GCLC: variants seen among roughly 807,000 people sequenced by gnomAD.
The protein encoded by GCLC is glutamate-cysteine ligase catalytic subunit.
A neutral mutation model predicts 81.5 loss-of-function variants in GCLC; 30 were observed. That is an observed-to-expected ratio of 0.37 (90% CI 0.28 to 0.50). The LOEUF (loss-of-function observed/expected upper bound fraction) is 0.50. GCLC is among the 20% of genes least tolerant of loss of function. The pLI, the probability that GCLC is intolerant of heterozygous loss-of-function variation, is 0.96. For missense variants in GCLC, 556 were observed against 777.4 expected (o/e 0.72, Z 3.39); for synonymous variants, 262 against 273.3 (o/e 0.96, Z 0.41).
intron 1 of GCLC, among the ~76,000 whole-genome samples, chr6:53,540,834 C>G (rs968383779): frequency 6.6e-6 from 1 of 152,128 alleles, no homozygotes; most frequent in Admixed American, 6.5e-5. Context: ...GGAATGGTTA[C>G]AGGCATCAGC....
chr6:53,509,452 C>A lies in GCLC; in HGVS notation c.754-202G>T. ...AATGGTATTTAATTATGTTCCACTG[C>A]CTATAGACAACTAATATAAATAACC... On this transcript the variant is annotated intron_variant, in intron 6 of 15. Coordinates refer to ENST00000650454, the MANE Select transcript of GCLC (RefSeq NM_001498.4). 4.9e-6 allele frequency: 3 copies of A among 610,572 alleles called. No homozygotes were observed. In the South Asian group the frequency reaches 5.8e-5, roughly 12 times the overall value. The allele number at this position is 610,572 out of a possible 1,614,324, so 37.8% of individuals were successfully genotyped here. A position where few individuals can be genotyped will look rare whatever the true frequency, so the allele number is the denominator to read the frequency against.
At chr6:53,541,149 G>A (rs1259852426) in intron 1 of GCLC, among the ~76,000 whole-genome samples, 7 of 152,176 alleles carry the variant, frequency 4.6e-5, no homozygotes, top group African/African-American at 1.4e-4. Flanking sequence ...TCTGGGAGGC[G>A]GAGGTTGCGG....
At chr6:53,542,890 TC>T (rs1258040939) in intron 1 of GCLC, among the ~76,000 whole-genome samples, 1 of 152,000 alleles carries the variant, frequency 6.6e-6, no homozygotes, top group Non-Finnish European at 1.5e-5. Flanking sequence ...GCACCTGTAA[TC>T]CCAGCTACTC....
chr6:53,520,310 A>T (rs1037430493), intron 3 of GCLC, among the ~76,000 whole-genome samples: 1 of 152,240 alleles, frequency 6.6e-6, no homozygotes, highest in Non-Finnish European at 1.5e-5. Flanking sequence ...CTTTGGGAGC[A>T]CTGCAGATCC....
At chr6:53,507,278 A>C (rs1444360734) in intron 9 of GCLC, among the ~76,000 whole-genome samples, 2 of 152,226 alleles carry the variant, frequency 1.3e-5, no homozygotes, top group East Asian at 3.8e-4. Context: ...AGACCTCCAA[A>C]GTAAGCTCCT....
chr6:53,518,268 T>A (rs1333057429), intron 3 of GCLC, among the ~76,000 whole-genome samples: 1 of 152,148 alleles, frequency 6.6e-6, no homozygotes, highest in East Asian at 1.9e-4. Flanking sequence ...TTATTTATTT[T>A]GAGACGGAGG....
At chr6:53,543,973 G>T (rs1323755637) in intron 1 of GCLC, among the ~76,000 whole-genome samples, 1 of 152,208 alleles carries the variant, frequency 6.6e-6, no homozygotes, top group East Asian at 1.9e-4. Context: ...TGAAGTGTGT[G>T]TGTTTTGGAG....
chr6:53,506,698 G>A lies in GCLC; in HGVS notation c.1197+215C>T, dbSNP rs559188011. ...ATCAGTGAGATAAACAGTAAGAATCGTAAAATAAGAGTACTTGAAACCGAT... is the reference window on the plus strand; with the variant it reads ...ATCAGTGAGATAAACAGTAAGAATCATAAAATAAGAGTACTTGAAACCGAT... On this transcript the variant is annotated intron_variant, in intron 10 of 15. Coordinates refer to ENST00000650454, the MANE Select transcript of GCLC (RefSeq NM_001498.4). The surrounding 1 kb of genome is among the most constrained non-coding windows in gnomAD (Gnocchi z 4.0). 15 of 528,718 alleles carry A rather than the reference G, an allele frequency of 2.8e-5. No homozygotes were observed. The highest frequency in any genetic ancestry group is 5.2e-4 in the Middle Eastern group (1 of 1,938). The allele number at this position is 528,718 out of a possible 1,614,324, so 32.8% of individuals were successfully genotyped here. A position where few individuals can be genotyped will look rare whatever the true frequency, so the allele number is the denominator to read the frequency against.
At chr6:53,507,684 T>A in intron 8 of GCLC, 66 bp from the exon 9 acceptor site, 1 of 670,342 alleles carries the variant, frequency 1.5e-6, no homozygotes, top group Non-Finnish European at 2.4e-6. Context: ...TTTTTATATA[T>A]GATAATTATA....
intron 1 of GCLC, among the ~76,000 whole-genome samples, chr6:53,534,649 TGAA>T (rs1464231276): frequency 1.3e-5 from 2 of 151,830 alleles, no homozygotes; most frequent in Non-Finnish European, 2.9e-5. Flanking sequence ...GGCAGGAAGG[TGAA>T]GAAGAGCCCA....
intron 1 of GCLC, among the ~76,000 whole-genome samples, chr6:53,524,450 T>C (rs1395279123): frequency 2.6e-5 from 4 of 152,226 alleles, no homozygotes; most frequent in African/African-American, 4.8e-5. Flanking sequence ...TTTCATTTCA[T>C]GGAAGGGGTC....
intron 1 of GCLC, among the ~76,000 whole-genome samples, chr6:53,537,389 C>T (rs1763273766): frequency 6.6e-6 from 1 of 152,164 alleles, no homozygotes. Context: ...ACGCTATGAC[C>T]TATAGAAGGA....
chr6:53,505,587 C>A, intron 11 of GCLC, 91 bp from the exon 12 acceptor site: 1 of 794,176 alleles, frequency 1.3e-6, no homozygotes, highest in South Asian at 1.4e-5. Flanking sequence ...ATGTCATTCC[C>A]AAGCCATCTC....
Position 53,544,700 on chromosome 6 carries a change from C to G in GCLC, c.-55G>C. ...CCGGGCTGACGGCGGTCGCCCGCTC[C>G]GGGCGCGAGACGGACACTCAGCCGC... On this transcript the variant is annotated 5_prime_UTR_variant, in exon 1 of 16. Transcript: ENST00000650454. 1.3e-6 allele frequency: 2 copies of G among 1,525,514 alleles called. No individual in the cohort carries two copies. The highest frequency in any genetic ancestry group is 2.4e-5 in the South Asian group (2 of 84,556). 94.5% of individuals were successfully genotyped at this position (1,525,514 alleles called of 1,614,324 possible).
In GCLC at chr6:53,544,952, T is replaced by G; in HGVS notation, c.-307A>C. 4.7e-6 allele frequency: 1 copy of G among 214,042 alleles called. No individual in the cohort carries two copies. The allele number at this position is 214,042 out of a possible 1,614,324, so 13.3% of individuals were successfully genotyped here. A position where few individuals can be genotyped will look rare whatever the true frequency, so the allele number is the denominator to read the frequency against. ...CCCGCTGCTCCTCCTCCCGCTCCGA[T>G]GCGGCGGCGGCGGACCCCACGGCCG... On this transcript the variant is annotated 5_prime_UTR_variant, in exon 1 of 16. Coordinates refer to ENST00000650454, the MANE Select transcript of GCLC (RefSeq NM_001498.4).
chr6:53,520,575 T>C (rs1581739946), intron 3 of GCLC, among the ~76,000 whole-genome samples: 1 of 152,212 alleles, frequency 6.6e-6, no homozygotes, highest in Admixed American at 6.5e-5. Context: ...CTCACCACGG[T>C]GCAGCCACCA....
intron 1 of GCLC, among the ~76,000 whole-genome samples, chr6:53,528,162 T>C (rs1034616570): frequency 3.1e-4 from 47 of 152,302 alleles, no homozygotes; most frequent in East Asian, 1.9e-4. Context: ...CACAGTAACA[T>C]AGGACAACCT....
intron 1 of GCLC, among the ~76,000 whole-genome samples, chr6:53,539,397 C>T (rs56945753): frequency 3.3e-5 from 5 of 152,140 alleles, no homozygotes; most frequent in African/African-American, 7.2e-5. Context: ...GAGCTTCTCA[C>T]AGGAAAATAC....
At chr6:53,544,435 A>C in intron 1 of GCLC, 61 bp downstream of exon 1, 1 of 1,573,330 alleles carries the variant, frequency 6.4e-7, no homozygotes, top group Non-Finnish European at 8.6e-7. Context: ...AGGGCAAGAC[A>C]AAGGCAGCGC....
Sources: allele counts gnomAD v4.1 joint callset (sites outside exome capture counted in the v4.1 genomes callset), GRCh38; gene constraint gnomAD v4.1.1; non-coding constraint Gnocchi (gnomAD v3.1); transcripts MANE v1.5; gene names NCBI Gene and HGNC (gene_info 2026-07-23, HGNC 2026-07-21).